Variants in SORBS2 observed in about 807,000 individuals in gnomAD.
SORBS2 encodes the protein sorbin and SH3 domain containing 2.
A neutral mutation model predicts 97.7 loss-of-function variants in SORBS2; 46 were observed. That is an observed-to-expected ratio of 0.47 (90% CI 0.37 to 0.60). The LOEUF is 0.60. Among genes scored for constraint, SORBS2 ranks in the 20% least tolerant of loss-of-function variants. SORBS2 has a pLI of 0.00. For missense variants in SORBS2, 1,316 were observed against 1,282.3 expected (o/e 1.03, Z -0.40); for synonymous variants, 476 against 473.4 (o/e 1.01, Z -0.07).
intron 4 of SORBS2, among the ~76,000 whole-genome samples, chr4:185,639,445 G>A (rs2097091872): frequency 6.6e-6 from 1 of 152,176 alleles, no homozygotes; most frequent in Non-Finnish European, 1.5e-5. Flanking sequence ...AAAACTAGCA[G>A]TGTTAATATA....
rs1004503539 is a variant in SORBS2, at chr4:185,677,721, G to A, written c.-46+702C>T. On this transcript the variant is annotated intron_variant, in intron 4 of 20. Coordinates refer to the SORBS2 transcript ENST00000284776. The stretch of plus-strand genomic sequence containing the variant: ...TCCAAGTTAGTCATGAAAGAAACCA[G>A]TGTCAACCTTGCCTTTACAGAAGTA... 6 of 1,160,942 alleles carry A rather than the reference G, an allele frequency of 5.2e-6. No individual in the cohort carries two copies. The East Asian group carries it at 1.2e-4, about 23-fold the overall frequency. 71.9% of individuals were successfully genotyped at this position (1,160,942 alleles called of 1,614,324 possible).
At chr4:185,818,350 A>T (rs2099194591) in intron 1 of SORBS2, among the ~76,000 whole-genome samples, 1 of 151,930 alleles carries the variant, frequency 6.6e-6, no homozygotes, top group African/African-American at 2.4e-5. Flanking sequence ...CCACCACACC[A>T]GGCTAATTTT....
chr4:185,663,073 C>T (rs555758045), intron 4 of SORBS2, among the ~76,000 whole-genome samples: 2 of 152,174 alleles, frequency 1.3e-5, no homozygotes, highest in Non-Finnish European at 2.9e-5. Context: ...GCTTAGTTCA[C>T]AGATATCGAG....
At chr4:185,710,878 A>C (rs549864113) in intron 2 of SORBS2, among the ~76,000 whole-genome samples, 2 of 152,376 alleles carry the variant, frequency 1.3e-5, no homozygotes, top group Admixed American at 1.3e-4. Flanking sequence ...TCCCAGATGC[A>C]AACTGAGTCA....
At chr4:185,603,464 G>T (rs1394172772) in intron 12 of SORBS2, among the ~76,000 whole-genome samples, 1 of 152,216 alleles carries the variant, frequency 6.6e-6, no homozygotes, top group East Asian at 1.9e-4. Context: ...CCTAACAGGA[G>T]CACATAGATA....
chr4:185,598,605 A>C (rs1222232891), intron 12 of SORBS2, among the ~76,000 whole-genome samples: 1 of 152,202 alleles, frequency 6.6e-6, no homozygotes, highest in Non-Finnish European at 1.5e-5. Context: ...TGTTACTTTA[A>C]ACACTAATGC....
At chr4:185,823,270 G>A (rs550841204) in intron 1 of SORBS2, among the ~76,000 whole-genome samples, 1 of 152,260 alleles carries the variant, frequency 6.6e-6, no homozygotes, top group East Asian at 1.9e-4. Flanking sequence ...GGCAAAATAA[G>A]CTTCTAAATT....
intron 1 of SORBS2, among the ~76,000 whole-genome samples, chr4:185,917,411 A>G (rs912739228): frequency 1.3e-5 from 2 of 152,096 alleles, no homozygotes; most frequent in African/African-American, 4.8e-5. Flanking sequence ...TGTTTTTTAT[A>G]GAGACAAGGT....
rs992662265 is a variant in SORBS2, at chr4:185,606,995, C to T, written c.2796+4785G>A. ...GTTCTGGGATCCTGAAGAGGCTCTG[C>T]ATGGTAAGGCTGGGCTGCAGCCGAG... is the stretch of plus-strand genomic sequence containing the variant. On this transcript the variant is annotated intron_variant, in intron 12 of 14. Transcript: ENST00000418609. This position sits in a 1 kb window ranked among gnomAD's most constrained non-coding sequence, Gnocchi z 4.3. 9.0e-6 allele frequency: 9 copies of T among 1,000,852 alleles called. No homozygotes were observed. The highest frequency in any genetic ancestry group is 1.1e-5 in the Non-Finnish European group (9 of 839,030). 62.0% of individuals were successfully genotyped at this position (1,000,852 alleles called of 1,614,324 possible). A position where few individuals can be genotyped will look rare whatever the true frequency, so the allele number is the denominator to read the frequency against.
chr4:185,929,382 C>T (rs2099265303), intron 1 of SORBS2, among the ~76,000 whole-genome samples: 1 of 152,186 alleles, frequency 6.6e-6, no homozygotes, highest in Non-Finnish European at 1.5e-5. Flanking sequence ...AAGATTCAAT[C>T]TGTAAATCAT....
intron 1 of SORBS2, among the ~76,000 whole-genome samples, chr4:185,796,092 G>A (rs1365467882): frequency 6.6e-6 from 1 of 152,058 alleles, no homozygotes; most frequent in African/African-American, 2.4e-5. Flanking sequence ...TTCTTGTAGA[G>A]ATGGGATCTC....
At chr4:185,861,428 G>A (rs939167354) in intron 1 of SORBS2, among the ~76,000 whole-genome samples, 2 of 152,162 alleles carry the variant, frequency 1.3e-5, no homozygotes, top group Admixed American at 6.5e-5. Context: ...GTGCTTGAGA[G>A]ACCAAAAGGA....
intron 1 of SORBS2, among the ~76,000 whole-genome samples, chr4:185,867,887 C>A (rs1432847286): frequency 6.6e-6 from 1 of 152,106 alleles, no homozygotes; most frequent in African/African-American, 2.4e-5. Flanking sequence ...CATTACACAG[C>A]TAACCCTCAG....
At chr4:185,687,461 T>G (rs950251436) in intron 2 of SORBS2, among the ~76,000 whole-genome samples, 1 of 152,230 alleles carries the variant, frequency 6.6e-6, no homozygotes, top group East Asian at 1.9e-4. Flanking sequence ...AAGAAAGAAA[T>G]AAAACTATTT....
intron 4 of SORBS2, among the ~76,000 whole-genome samples, chr4:185,639,275 G>C (rs968729617): frequency 6.6e-6 from 1 of 152,186 alleles, no homozygotes; most frequent in African/African-American, 2.4e-5. Context: ...GCTGAGAAGG[G>C]GATCTGGTTC....
intron 1 of SORBS2, among the ~76,000 whole-genome samples, chr4:185,776,499 C>T (rs1272176215): frequency 6.6e-6 from 1 of 152,000 alleles, no homozygotes; most frequent in African/African-American, 2.4e-5. Flanking sequence ...AGATGAAATC[C>T]CTGGTTTTTT....
intron 1 of SORBS2, among the ~76,000 whole-genome samples, chr4:185,913,776 C>T (rs536329576): frequency 2.0e-5 from 3 of 152,272 alleles, no homozygotes; most frequent in Admixed American, 6.5e-5. Flanking sequence ...TCTTCAAAGA[C>T]TCATTCATTG....
Position 185,868,147 on chromosome 4 carries a change from C to CTTTCTTTCTTTTTTTTTTTTTTTT in SORBS2, c.-338+88048_-338+88049insAAAAAAAAAAAAAAAAGAAAGAAA, listed in dbSNP as rs1288748201. The stretch of plus-strand genomic sequence containing the variant: ...TCTACTTTCCTTTCTCTTTTCTTTT[C>CTTTCTTTCTTTTTTTTTTTTTTTT]TTTTTTTCTTTCTTTTTTTTTTTTT... On this transcript the variant is annotated intron_variant, in intron 1 of 20. Transcript: ENST00000284776. Among the ~76,000 whole-genome samples the CTTTCTTTCTTTTTTTTTTTTTTTT allele has an allele frequency of 1.6e-3, 148 of 89,750 alleles. 16 individuals are homozygous for CTTTCTTTCTTTTTTTTTTTTTTTT. Among genetic ancestry groups the CTTTCTTTCTTTTTTTTTTTTTTTT allele is most frequent in the Middle Eastern group, 6.8e-3 (1 of 146 alleles). 58.9% of individuals were successfully genotyped at this position (89,750 alleles called of 152,430 possible).
chr4:185,873,843 A>G (rs1421604004), intron 1 of SORBS2, among the ~76,000 whole-genome samples: 2 of 152,206 alleles, frequency 1.3e-5, no homozygotes, highest in Admixed American at 6.5e-5. Context: ...ATATAACATG[A>G]ACATTTATAT....
Sources: allele counts gnomAD v4.1 joint callset (sites outside exome capture counted in the v4.1 genomes callset), GRCh38; gene constraint gnomAD v4.1.1; non-coding constraint Gnocchi (gnomAD v3.1); transcripts MANE v1.5; gene names NCBI Gene and HGNC (gene_info 2026-07-23, HGNC 2026-07-21).